CELF2: variants seen among roughly 807,000 people sequenced by gnomAD.
The protein encoded by CELF2 is CUG triplet repeat RNA-binding protein 2.
A neutral mutation model predicts 62.6 loss-of-function variants in CELF2; 8 were observed. The ratio of observed to expected loss-of-function variants is 0.13; its 90% confidence interval spans 0.07 to 0.23. The LOEUF (loss-of-function observed/expected upper bound fraction) is 0.23. Among genes scored for constraint, CELF2 ranks in the 10% least tolerant of loss-of-function variants. CELF2 has a pLI of 1.00. For synonymous variants in CELF2, 258 were observed against 250.0 expected, an observed-to-expected ratio of 1.03 and a Z score of -0.30; for missense variants, 333 against 671.0, an observed-to-expected ratio of 0.50 and a Z score of 5.56.
intron 1 of CELF2, among the ~76,000 whole-genome samples, chr10:10,882,526 T>C (rs1178936383): frequency 1.3e-5 from 2 of 152,232 alleles, no homozygotes; most frequent in Non-Finnish European, 2.9e-5. Context: ...GTCCTGTCTT[T>C]CTCATGAAAC....
intron 1 of CELF2, among the ~76,000 whole-genome samples, chr10:10,863,426 G>C (rs2060162227): frequency 6.6e-6 from 1 of 152,118 alleles, no homozygotes; most frequent in African/African-American, 2.4e-5. Context: ...GACATTTCAA[G>C]TTTCTGGGTT....
chr10:11,069,101 T>G (rs2068974952), intron 1 of CELF2, among the ~76,000 whole-genome samples: 1 of 152,224 alleles, frequency 6.6e-6, no homozygotes, highest in South Asian at 2.1e-4. Context: ...ATAAGGCTGA[T>G]GCAATAGTGA....
intron 2 of CELF2, among the ~76,000 whole-genome samples, chr10:11,205,542 A>G (rs2060236395): frequency 6.6e-6 from 1 of 152,198 alleles, no homozygotes; most frequent in Non-Finnish European, 1.5e-5. Flanking sequence ...CACTAACCCC[A>G]TGTTATTAAG....
chr10:11,015,831 C>T (rs2057178559), upstream of CELF2, among the ~76,000 whole-genome samples: 1 of 152,178 alleles, frequency 6.6e-6, no homozygotes, highest in Non-Finnish European at 1.5e-5. This position sits in a 1 kb window ranked among gnomAD's most constrained non-coding sequence, Gnocchi z 4.8. Flanking sequence ...AAGAGGGCTT[C>T]CTTACAGCTT....
chr10:11,186,097 C>G (rs1350843368), intron 2 of CELF2, among the ~76,000 whole-genome samples: 1 of 152,150 alleles, frequency 6.6e-6, no homozygotes, highest in Non-Finnish European at 1.5e-5. Flanking sequence ...CCTACGTGGT[C>G]AAGTTTATTG....
intron 1 of CELF2, among the ~76,000 whole-genome samples, chr10:11,153,853 C>T (rs894759648): frequency 5.9e-5 from 9 of 152,150 alleles, no homozygotes; most frequent in Admixed American, 2.0e-4. Context: ...GTTTTTTCCC[C>T]TTGGTATCGA....
intron 2 of CELF2, among the ~76,000 whole-genome samples, chr10:11,206,810 TC>T (rs1413668873): frequency 1.3e-5 from 2 of 152,258 alleles, no homozygotes; most frequent in Non-Finnish European, 2.9e-5. Context: ...TATCTTTCAT[TC>T]CTATAGTCAA....
chr10:10,682,753 T>A, the CELF2 span, among the ~76,000 whole-genome samples: 2 of 152,236 alleles, frequency 1.3e-5, no homozygotes, highest in Non-Finnish European at 1.5e-5. Context: ...CCTGGATGAC[T>A]GTTTGATTGC....
chr10:11,085,641 A>G (rs111421072), intron 1 of CELF2, among the ~76,000 whole-genome samples: 9 of 151,878 alleles, frequency 5.9e-5, no homozygotes, highest in African/African-American at 1.7e-4. Flanking sequence ...GCCTAAAGTT[A>G]CATATTGGGA....
the CELF2 span, among the ~76,000 whole-genome samples, chr10:10,505,255 T>C: frequency 1.3e-5 from 2 of 152,150 alleles, no homozygotes; most frequent in African/African-American, 4.8e-5. Flanking sequence ...CAGGTAGAGA[T>C]AGAGGTCCAT....
intron 1 of CELF2, among the ~76,000 whole-genome samples, chr10:10,886,442 T>C (rs2061754067): frequency 6.6e-6 from 1 of 152,210 alleles, no homozygotes; most frequent in Admixed American, 6.5e-5. Context: ...ACAGAAGGGC[T>C]GCCCTCCTGA....
chr10:11,308,840 C>CTAGGGTG (rs71267470), intron 9 of CELF2, among the ~76,000 whole-genome samples: 47,217 of 151,762 alleles, frequency 0.31, 7,963 homozygotes, highest in Admixed American at 0.39. Context: ...CTATCACATG[C>CTAGGGTG]TAGGCAGTAT....
intron 1 of CELF2, among the ~76,000 whole-genome samples, chr10:11,058,488 A>C (rs1453770831): frequency 2.4e-5 from 2 of 83,300 alleles, no homozygotes; most frequent in East Asian, 8.8e-4. Context: ...TTTTTTTGTG[A>C]TGGAGTCTTG....
chr10:11,183,725 T>G (rs1031780584), intron 2 of CELF2, among the ~76,000 whole-genome samples: 1 of 152,260 alleles, frequency 6.6e-6, no homozygotes, highest in Admixed American at 6.5e-5. Context: ...TATGTTTGAT[T>G]CGTGTATATC....
intron 1 of CELF2, among the ~76,000 whole-genome samples, chr10:10,870,056 T>G (rs149289115): frequency 4.7e-4 from 71 of 152,284 alleles, no homozygotes; most frequent in African/African-American, 1.6e-3. Flanking sequence ...AAATCTAAAA[T>G]TTAAGAACTT....
chr10:10,998,524 TA>T lies in CELF2; in HGVS notation c.89+78527del, dbSNP rs539484102. On this transcript the variant is annotated intron_variant, in intron 2 of 13. Transcript: ENST00000636488. ...TGGTATATCTCATTAGGAACTGATT[TA>T]AGGAAATGTGTGGGGCCTTTAATAG... is the stretch of plus-strand genomic sequence containing the variant. Among the ~76,000 whole-genome samples, 34 of 152,290 alleles carry T rather than the reference TA, an allele frequency of 2.2e-4. No homozygotes were observed. In the South Asian group the frequency reaches 7.0e-3, roughly 32 times the overall value.
rs1250622423 is a variant in CELF2, at chr10:11,319,627, ACC to A, written c.1097-1561_1097-1560del. Among the ~76,000 whole-genome samples, 2 of 151,858 alleles carry A rather than the reference ACC, an allele frequency of 1.3e-5. No individual in the cohort carries two copies. The highest frequency in any genetic ancestry group is 1.3e-4 in the Admixed American group (2 of 15,266). On this transcript the variant is annotated intron_variant, in intron 10 of 12. Coordinates refer to ENST00000633077, the MANE Select transcript of CELF2 (RefSeq NM_001326342.2). This position sits in a 1 kb window ranked among gnomAD's most constrained non-coding sequence, Gnocchi z 4.4. ...ACACAGCAGGGCCTCAGCTGGCAAC[ACC>A]TCTGAACTGAGCCTGCACTCAGGAG...
chr10:11,186,296 C>CTTTTTTTTTTTTTTTTTTT (rs57327671), intron 2 of CELF2, among the ~76,000 whole-genome samples: 7 of 115,494 alleles, frequency 6.1e-5, no homozygotes, highest in East Asian at 2.6e-4. Flanking sequence ...GGTTTTGTTG[C>CTTTTTTTTTTTTTTTTTTT]TTTTTTTTTT....
At chr10:10,677,526 A>T in the CELF2 span, among the ~76,000 whole-genome samples, 2 of 152,210 alleles carry the variant, frequency 1.3e-5, no homozygotes, top group African/African-American at 4.8e-5. Flanking sequence ...CCCAATACTG[A>T]ATATTGAATC....
Sources: allele counts gnomAD v4.1 joint callset (sites outside exome capture counted in the v4.1 genomes callset), GRCh38; gene constraint gnomAD v4.1.1; non-coding constraint Gnocchi (gnomAD v3.1); transcripts MANE v1.5; gene names NCBI Gene and HGNC (gene_info 2026-07-23, HGNC 2026-07-21).